FHIP2A: variants seen among roughly 807,000 people sequenced by gnomAD.
FHIP2A encodes the protein family with sequence similarity 160 member B1.
A neutral mutation model predicts 93.5 loss-of-function variants in FHIP2A; 46 were observed. That is an observed-to-expected ratio of 0.49 (90% CI 0.39 to 0.63). FHIP2A has a LOEUF of 0.63. FHIP2A is among the 20% of genes least tolerant of loss of function. FHIP2A has a pLI of 0.00. For missense variants in FHIP2A, 769 were observed against 909.7 expected, an observed-to-expected ratio of 0.85 and a Z score of 1.99; for synonymous variants, 332 against 326.5, an observed-to-expected ratio of 1.02 and a Z score of -0.18.
rs1362417265 is a variant in FHIP2A, at chr10:114,855,326, A to G, written c.1933A>G (p.Arg645Gly). The change falls in exon 14 of 17, where the codon AGA becomes GGA. Residue 645 changes from arginine to glycine, a missense_variant. Arg to Gly is a moderately radical substitution (Grantham distance 125, BLOSUM62 -2). Coordinates refer to ENST00000369248, the MANE Select transcript of FHIP2A (RefSeq NM_020940.4). ...GAAAGTGCTGTTCGACAGAATGGGA[A>G]GAATTCTTGATCAGGTAATACATTT... ...FLKVLFDRMG[R>G]ILDQPYDVNL... 8 of 1,613,780 alleles carry G rather than the reference A, an allele frequency of 5.0e-6. No individual in the cohort carries two copies. The highest frequency in any genetic ancestry group is 6.8e-6 in the Non-Finnish European group (8 of 1,179,698).
chr10:114,833,115 A>G (rs959634399), intron 2 of FHIP2A, 118 bp from the exon 3 acceptor site: 1 of 697,596 alleles, frequency 1.4e-6, no homozygotes, highest in Non-Finnish European at 2.4e-6. Context: ...ACCTCACTTA[A>G]GTGTGTAGTT....
intron 1 of FHIP2A, among the ~76,000 whole-genome samples, chr10:114,825,140 C>G (rs1566363101): frequency 6.6e-6 from 1 of 152,170 alleles, no homozygotes; most frequent in East Asian, 1.9e-4. Context: ...GCCTCAGCCT[C>G]CTGAGTAGCT....
chr10:114,852,927 C>G (rs1045202971), intron 13 of FHIP2A, among the ~76,000 whole-genome samples: 2 of 152,186 alleles, frequency 1.3e-5, no homozygotes, highest in African/African-American at 4.8e-5. Context: ...TTCTCACCCA[C>G]CATCTGATAT....
chr10:114,846,739 A>T lies in FHIP2A; in HGVS notation c.1568+11A>T. On this transcript the variant is annotated intron_variant, in intron 11 of 16. Coordinates refer to ENST00000369248, the MANE Select transcript of FHIP2A (RefSeq NM_020940.4). The stretch of plus-strand genomic sequence containing the variant: ...GATAGCAGGAGCAGTGTAAGTTTCC[A>T]TCCAACTCCGTGAGTTCAGCATTTC... 6.3e-7 allele frequency: 1 copy of T among 1,580,278 alleles called. No individual in the cohort carries two copies. The highest frequency in any genetic ancestry group is 8.6e-7 in the Non-Finnish European group (1 of 1,167,790).
chr10:114,831,543 G>A (rs2083608115), intron 2 of FHIP2A, among the ~76,000 whole-genome samples: 1 of 152,160 alleles, frequency 6.6e-6, no homozygotes, highest in African/African-American at 2.4e-5. Flanking sequence ...GAGCGTTTGT[G>A]TATATAAAGG....
At chr10:114,851,548 C>G (rs1361010003) in intron 13 of FHIP2A, among the ~76,000 whole-genome samples, 2 of 151,702 alleles carry the variant, frequency 1.3e-5, no homozygotes, top group Non-Finnish European at 2.9e-5. Flanking sequence ...ACCTATGTAC[C>G]TGTCCTTATC....
downstream of FHIP2A, among the ~76,000 whole-genome samples, chr10:114,865,196 C>A (rs998815675): frequency 2.6e-5 from 4 of 152,070 alleles, no homozygotes; most frequent in Admixed American, 6.5e-5. Flanking sequence ...CCATGTTGAT[C>A]AGGCTGGTCT....
At chr10:114,822,211 T>TCGGCGGCCC in intron 1 of FHIP2A, 88 bp downstream of exon 1, 1 of 852,330 alleles carries the variant, frequency 1.2e-6, no homozygotes. Flanking sequence ...CCGGGCGGCC[T>TCGGCGGCCC]TGGCCCGGCC....
Position 114,863,392 on chromosome 10 carries a change from G to T in FHIP2A, c.*1852G>T. On this transcript the variant is annotated 3_prime_UTR_variant, in exon 17 of 17. Transcript: ENST00000369248. ...CTTAATGTTTTCATAGTGCTCAATA[G>T]GTGTAGTAGCAATGATATTACCTCT... 9.8e-7 allele frequency: 1 copy of T among 1,016,580 alleles called. No homozygotes were observed. The highest frequency in any genetic ancestry group is 1.2e-6 in the Non-Finnish European group (1 of 848,124). 63.0% of individuals were successfully genotyped at this position (1,016,580 alleles called of 1,614,324 possible).
At chr10:114,861,393 T>C (rs922042056) in intron 16 of FHIP2A, 42 bp from the exon 17 acceptor site, 13 of 1,613,846 alleles carry the variant, frequency 8.1e-6, no homozygotes, top group Non-Finnish European at 1.0e-5. Context: ...AATGATCGGC[T>C]GCTATCTTGA....
intron 13 of FHIP2A, among the ~76,000 whole-genome samples, chr10:114,853,785 G>A (rs1317159343): frequency 6.6e-6 from 1 of 152,106 alleles, no homozygotes; most frequent in African/African-American, 2.4e-5. Flanking sequence ...GATCACTTGA[G>A]GTCAGGAGCT....
intron 1 of FHIP2A, 43 bp from the exon 2 acceptor site, chr10:114,830,809 T>C: frequency 7.3e-7 from 1 of 1,366,626 alleles, no homozygotes; most frequent in East Asian, 2.3e-5. Flanking sequence ...TGGGAAATTT[T>C]CAATGCCATT....
chr10:114,833,993 T>C (rs1022506883), intron 3 of FHIP2A, among the ~76,000 whole-genome samples: 1 of 152,236 alleles, frequency 6.6e-6, no homozygotes, highest in African/African-American at 2.4e-5. Flanking sequence ...GACATCATTA[T>C]TCACACACTG....
At chr10:114,879,860 G>A (rs576857099) in intron 16 of FHIP2A, among the ~76,000 whole-genome samples, 7 of 152,112 alleles carry the variant, frequency 4.6e-5, no homozygotes, top group African/African-American at 1.4e-4. Flanking sequence ...AGGCTCTCGC[G>A]GTGTGCCCAG....
At chr10:114,844,283 A>C (rs2083687267) in intron 7 of FHIP2A, among the ~76,000 whole-genome samples, 1 of 152,210 alleles carries the variant, frequency 6.6e-6, no homozygotes, top group African/African-American at 2.4e-5. Flanking sequence ...GAGCAGTCTA[A>C]TCTGTCTCCT....
chr10:114,865,599 C>A (rs962876742), downstream of FHIP2A, among the ~76,000 whole-genome samples: 1 of 151,986 alleles, frequency 6.6e-6, no homozygotes, highest in Non-Finnish European at 1.5e-5. Flanking sequence ...CCCTCCTTGC[C>A]CTTCAAAAGA....
intron 14 of FHIP2A, among the ~76,000 whole-genome samples, chr10:114,859,482 C>G (rs1307622811): frequency 6.6e-6 from 1 of 152,192 alleles, no homozygotes; most frequent in Non-Finnish European, 1.5e-5. Context: ...TCCTGACTCC[C>G]TCTTCCCTCC....
At chr10:114,847,000 A>G in intron 11 of FHIP2A, 90 bp from the exon 12 acceptor site, 5 of 1,201,974 alleles carry the variant, frequency 4.2e-6, no homozygotes, top group Non-Finnish European at 5.8e-6. Context: ...AAATTATGTA[A>G]CATTTTCTAA....
intron 5 of FHIP2A, among the ~76,000 whole-genome samples, chr10:114,836,696 G>A (rs942694356): frequency 6.6e-6 from 1 of 152,112 alleles, no homozygotes; most frequent in Non-Finnish European, 1.5e-5. Context: ...GTAGTATTTT[G>A]TACTGTTTTG....
Sources: allele counts gnomAD v4.1 joint callset (sites outside exome capture counted in the v4.1 genomes callset), GRCh38; gene constraint gnomAD v4.1.1; transcripts MANE v1.5; gene names NCBI Gene and HGNC (gene_info 2026-07-23, HGNC 2026-07-21).